CCT2: variants seen among roughly 807,000 people sequenced by gnomAD.
The protein encoded by CCT2 is T-complex protein 1 subunit beta.
In CCT2, 18 loss-of-function variants were observed where a neutral mutation model predicts 61.8. That is an observed-to-expected ratio of 0.29 (90% CI 0.20 to 0.43). The LOEUF is 0.43. Ranked by LOEUF, CCT2 falls within the 20% of genes least tolerant of loss-of-function variation. The pLI, the probability that CCT2 is intolerant of heterozygous loss-of-function variation, is 1.00. For missense variants in CCT2, 556 were observed against 656.9 expected (o/e 0.85, Z 1.68); for synonymous variants, 248 against 215.9 (o/e 1.15, Z -1.30).
Position 69,601,494 on chromosome 12 carries a change from C to T in CCT2, c.*169C>T. 6.8e-7 allele frequency: 1 copy of T among 1,472,812 alleles called. No individual in the cohort carries two copies. The allele number at this position is 1,472,812 out of a possible 1,614,324, so 91.2% of individuals were successfully genotyped here. ...CATAGGTCTAATTTATTTGCCGTGT[C>T]ATTTTCCATACAAATCAGTTGATTT... On this transcript the variant is annotated 3_prime_UTR_variant, in exon 16 of 16. Coordinates refer to ENST00000299300, the MANE Select transcript of CCT2 (RefSeq NM_006431.3).
At chr12:69,599,720 C>T (rs1752773129) in intron 14 of CCT2, 143 bp from the exon 15 acceptor site, 3 of 566,872 alleles carry the variant, frequency 5.3e-6, no homozygotes, top group Admixed American at 7.2e-5. Context: ...TCTTTGAGCT[C>T]ATTTGTAGGC....
intron 7 of CCT2, among the ~76,000 whole-genome samples, chr12:69,591,822 A>T (rs764511345): frequency 6.6e-6 from 1 of 152,162 alleles, no homozygotes; most frequent in Non-Finnish European, 1.5e-5. Context: ...TTTTCTGCTT[A>T]TCACTAGAGA....
chr12:69,593,330 C>T (rs1359235980), intron 9 of CCT2, among the ~76,000 whole-genome samples, 180 bp from the exon 10 acceptor site: 1 of 152,162 alleles, frequency 6.6e-6, no homozygotes, highest in Non-Finnish European at 1.5e-5. Flanking sequence ...CTTTTCAATA[C>T]TAGTAATGGA....
Position 69,598,322 on chromosome 12 carries a change from T to A in CCT2, c.1336T>A (p.Leu446Met). The A allele has an allele frequency of 6.3e-7, 1 of 1,578,038 alleles. No individual in the cohort carries two copies. Among genetic ancestry groups the A allele is most frequent in the Non-Finnish European group, 8.6e-7 (1 of 1,163,992 alleles). The change falls in exon 14 of 16, where the codon TTG becomes ATG. Residue 446 changes from leucine to methionine, a missense_variant and splice_region_variant. Around this residue, in one of 3 missense-constraint regions of CCT2, gnomAD observed 225 missense variants for 249.8 expected, o/e 0.90. Transcript: ENST00000299300. The stretch of plus-strand genomic sequence containing the variant: ...TTACTTGTTTTCTTCATTTTCATAG[T>A]TGCCAACCATCATAGCTGACAATGC... ...MESYAKALRMLPTIIADNAGY... is the reference protein window; with the variant it reads ...MESYAKALRMMPTIIADNAGY...
chr12:69,595,688 C>CAAAAAA (rs10655703), intron 10 of CCT2, among the ~76,000 whole-genome samples: 1 of 99,500 alleles, frequency 1.0e-5, no homozygotes, highest in African/African-American at 3.7e-5. Context: ...GACTCCGTCT[C>CAAAAAA]AAAAAAAAAA....
intron 10 of CCT2, among the ~76,000 whole-genome samples, chr12:69,596,679 C>G (rs1204242183): frequency 6.6e-6 from 1 of 152,090 alleles, no homozygotes; most frequent in Non-Finnish European, 1.5e-5. Flanking sequence ...ACTTATAGGA[C>G]AAATATTTTC....
At chr12:69,599,798 AT>A (rs1193185415) in intron 14 of CCT2, 64 bp from the exon 15 acceptor site, 6 of 1,313,316 alleles carry the variant, frequency 4.6e-6, no homozygotes, top group Non-Finnish European at 6.4e-6. Flanking sequence ...TTTATTATAA[AT>A]CATTAGAGAT....
At position 69,586,433 on chromosome 12, in the gene CCT2, CGA is replaced by C. The variant is rs1395691909; in HGVS notation, c.78+91_78+92del. 1.4e-5 allele frequency: 13 copies of C among 917,288 alleles called. No individual in the cohort carries two copies. In the South Asian group the frequency reaches 1.6e-4, roughly 11 times the overall value. 56.8% of individuals were successfully genotyped at this position (917,288 alleles called of 1,614,324 possible). A position where few individuals can be genotyped will look rare whatever the true frequency, so the allele number is the denominator to read the frequency against. Reference sequence around the variant, plus strand: ...CTGTAATCCCAGTACTTTGGGAGGCCGAGGTAGGCGGATGAACTGAGGTCAGG... The same window carrying C: ...CTGTAATCCCAGTACTTTGGGAGGCCGGTAGGCGGATGAACTGAGGTCAGG... On this transcript the variant is annotated intron_variant, in intron 2 of 15. Transcript: ENST00000299300.
intron 9 of CCT2, 113 bp downstream of exon 9, chr12:69,593,216 C>T: frequency 2.1e-6 from 2 of 936,670 alleles, no homozygotes; most frequent in Non-Finnish European, 3.1e-6. Flanking sequence ...GATAACTTCA[C>T]TTAAATTATG....
rs377592128 is a variant in CCT2 at position 69,598,383 on chromosome 12, G to A, written c.1397G>A (p.Arg466Lys). 1.9e-6 allele frequency: 3 copies of A among 1,603,762 alleles called. No homozygotes were observed. In the African/African-American group the frequency reaches 4.0e-5, roughly 22 times the overall value. ...YDSADLVAQL[R>K]AAHSEGNTTA... is the part of the protein sequence containing the mutation. Reference sequence around the variant, plus strand: ...AGTGCAGACCTGGTGGCACAGCTCAGGGCTGCTCACAGTGAAGGCAATACC... The same window carrying A: ...AGTGCAGACCTGGTGGCACAGCTCAAGGCTGCTCACAGTGAAGGCAATACC... Residue 466 changes from arginine to lysine, a missense_variant, in exon 14 of 16, where the codon AGG (arginine) becomes AAG (lysine). Physicochemically the swap from Arg to Lys is conservative, Grantham distance 26 (BLOSUM62 2). Transcript: ENST00000299300.
In CCT2 at chr12:69,589,529, G is replaced by C. The variant is rs774928564; in HGVS notation, c.491G>C (p.Gly164Ala). The C allele has an allele frequency of 3.1e-6, 5 of 1,613,940 alleles. No individual in the cohort carries two copies. In the African/African-American group the frequency reaches 6.7e-5, roughly 22 times the overall value. The stretch of plus-strand genomic sequence containing the variant: ...CGTCAAGATTTAATGAATATTGCGG[G>C]CACAACATTATCCTCAAAACTTCTT... ...KFRQDLMNIA[G>A]TTLSSKLLTH... Residue 164 changes from glycine (G) to alanine (A), a missense_variant, in exon 7 of 16, where the codon GGC becomes GCC. This residue lies in a region of CCT2 where 308 missense variants were observed against 350.6 expected (regional missense o/e 0.88). Coordinates refer to ENST00000299300, the MANE Select transcript of CCT2 (RefSeq NM_006431.3).
intron 7 of CCT2, among the ~76,000 whole-genome samples, chr12:69,590,363 T>A (rs945107330): frequency 2.0e-5 from 3 of 152,200 alleles, no homozygotes; most frequent in Non-Finnish European, 2.9e-5. Context: ...TAAAAAAAAT[T>A]TCTTTAACAA....
chr12:69,600,921 GCTT>G (rs1316781553), intron 15 of CCT2, among the ~76,000 whole-genome samples: 5 of 152,178 alleles, frequency 3.3e-5, no homozygotes, highest in Non-Finnish European at 7.3e-5. Context: ...AATAGAAGGT[GCTT>G]CTTGTTGGTG....
At chr12:69,588,454 GTATATA>G (rs563421300) in intron 6 of CCT2, 192 bp downstream of exon 6, 25 of 540,970 alleles carry the variant, frequency 4.6e-5, no homozygotes, top group Non-Finnish European at 7.9e-5. Flanking sequence ...TAGTCTTTTT[GTATATA>G]TCATCAAAAT....
chr12:69,596,286 A>G (rs1354157236), intron 10 of CCT2, among the ~76,000 whole-genome samples: 1 of 152,262 alleles, frequency 6.6e-6, no homozygotes, highest in Non-Finnish European at 1.5e-5. Flanking sequence ...GTCTTTATGA[A>G]TTTATTATAA....
In CCT2 at chr12:69,585,504, GCGGAACTCCT is replaced by G; in HGVS notation, c.-11_-2del. 22 of 1,565,852 alleles carry G rather than the reference GCGGAACTCCT, an allele frequency of 1.4e-5. No homozygotes were observed. Among genetic ancestry groups the G allele is most frequent in the Non-Finnish European group, 1.9e-5 (22 of 1,154,268 alleles). Reference sequence around the variant, plus strand: ...GAGCTGTGAGGGGATTCACTTGTGTGCGGAACTCCTCGGAACCATGGTGAGCCTGACTCCC... The same window carrying G: ...GAGCTGTGAGGGGATTCACTTGTGTGCGGAACCATGGTGAGCCTGACTCCC... On this transcript the variant is annotated 5_prime_UTR_variant, in exon 1 of 16. Coordinates refer to ENST00000299300, the MANE Select transcript of CCT2 (RefSeq NM_006431.3).
In CCT2 at chr12:69,592,964, C is replaced by A; in HGVS notation, c.751-12C>A. ...TGAAACTGATGCTCTCTTTATGCTT[C>A]GTTTGTCTTAGATATTTGGTTCCCG... On this transcript the variant is annotated splice_polypyrimidine_tract_variant and intron_variant, in intron 8 of 15. Transcript: ENST00000299300. The A allele has an allele frequency of 6.2e-7, 1 of 1,609,598 alleles. No homozygotes were observed. The highest frequency in any genetic ancestry group is 1.7e-4 in the Middle Eastern group (1 of 6,034).
chr12:69,585,607 G>A (rs1200863998), intron 1 of CCT2, 83 bp downstream of exon 1: 1 of 1,549,608 alleles, frequency 6.5e-7, no homozygotes. Context: ...TCCTGCTAGG[G>A]TCGTAGGCTC....
At chr12:69,599,668 T>G (rs945440245) in intron 14 of CCT2, 195 bp from the exon 15 acceptor site, 3 of 377,710 alleles carry the variant, frequency 7.9e-6, no homozygotes, top group Admixed American at 4.4e-5. Flanking sequence ...AGTACAGATG[T>G]GAGCCGCTGC....
Sources: gnomAD v4.1 joint callset for allele counts (sites outside exome capture counted in the v4.1 genomes callset) on GRCh38, gnomAD v4.1.1 for gene constraint, gnomAD v4.1.1 regional missense constraint, MANE v1.5 for transcripts, NCBI Gene and HGNC (gene_info 2026-07-23, HGNC 2026-07-21) for gene names.